LCT: variants seen among roughly 807,000 people sequenced by gnomAD.
LCT encodes lactase.
In LCT, 90 loss-of-function variants were observed where a neutral mutation model predicts 173.0. The observed-to-expected ratio is 0.52, with a 90% CI of 0.44 to 0.62. LCT has a LOEUF of 0.62. LCT is among the 20% of genes least tolerant of loss of function. The pLI is 0.00. For missense variants in LCT, 1,864 were observed against 2,431.4 expected (o/e 0.77, Z 4.91); for synonymous variants, 853 against 957.6 (o/e 0.89, Z 2.02).
At position 135,800,777 on chromosome 2, in the gene LCT, T is replaced by C. The variant is rs544545973; in HGVS notation, c.4696A>G (p.Ile1566Val). 16 of 1,614,090 alleles carry C rather than the reference T, an allele frequency of 9.9e-6. 1 individual carries two copies. The East Asian group carries it at 1.3e-4, about 13-fold the overall frequency. ...VSNRPGTAPY[I>V]VGHNLIKAHA... ...GCCTTTATTAGATTGTGGCCAACAA[T>C]GTAGGGGGCAGTGCCAGGCCTATTG... Residue 1566 changes from isoleucine (I) to valine (V), a missense_variant, in exon 12 of 17, where the codon ATT (isoleucine) becomes GTT (valine). This residue lies in a region of LCT where 514 missense variants were observed against 750.1 expected (regional missense o/e 0.69). Transcript: ENST00000264162.
intron 3 of LCT, among the ~76,000 whole-genome samples, chr2:135,829,282 G>T (rs544527401): frequency 1.3e-4 from 20 of 152,232 alleles, no homozygotes; most frequent in African/African-American, 4.8e-4. Flanking sequence ...CCCCATTGAT[G>T]AGTTGCCTTT....
intron 3 of LCT, among the ~76,000 whole-genome samples, chr2:135,825,506 G>A (rs543898734): frequency 6.6e-6 from 1 of 152,346 alleles, no homozygotes; most frequent in East Asian, 1.9e-4. Context: ...ATGTCCCAGG[G>A]CTGGAGAGCT....
Position 135,800,623 on chromosome 2 carries a change from G to A in LCT, c.4850C>T (p.Ala1617Val). 2 of 1,612,188 alleles carry A rather than the reference G, an allele frequency of 1.2e-6. No homozygotes were observed. Among genetic ancestry groups the A allele is most frequent in the Non-Finnish European group, 1.7e-6 (2 of 1,179,780 alleles). ...AAAACAGACCTGAACATATCTCCTGGCTGCCTCCACATCCTCCTGGTTAGA... is the reference window on the plus strand; with the variant it reads ...AAAACAGACCTGAACATATCTCCTGACTGCCTCCACATCCTCCTGGTTAGA... ...DPSNQEDVEAARRYVQFMGGW... is the reference protein window; with the variant it reads ...DPSNQEDVEAVRRYVQFMGGW... Residue 1617 changes from alanine to valine, a missense_variant, in exon 12 of 17, where the codon GCC (alanine) becomes GTC (valine). Around this residue, in one of 4 missense-constraint regions of LCT, gnomAD observed 514 missense variants for 750.1 expected, o/e 0.69. Transcript: ENST00000264162.
Position 135,836,523 on chromosome 2 carries a change from T to C in LCT, c.640+7A>G. ...GAGGGGTCACCATCAGGTCAATGTGTACTCACCCTGAAAAGCATAGCTTTC... is the reference window on the plus strand; with the variant it reads ...GAGGGGTCACCATCAGGTCAATGTGCACTCACCCTGAAAAGCATAGCTTTC... On this transcript the variant is annotated splice_region_variant and intron_variant, in intron 1 of 16. Coordinates refer to ENST00000264162, the MANE Select transcript of LCT (RefSeq NM_002299.4). 7 of 1,613,512 alleles carry C rather than the reference T, an allele frequency of 4.3e-6. No homozygotes were observed. Among genetic ancestry groups the C allele is most frequent in the Non-Finnish European group, 5.9e-6 (7 of 1,179,424 alleles).
chr2:135,831,618 C>T (rs563746397), intron 2 of LCT, among the ~76,000 whole-genome samples: 142 of 152,312 alleles, frequency 9.3e-4, no homozygotes, highest in African/African-American at 3.0e-3. Context: ...TAGCAGTTAT[C>T]GCCCTCTGTA....
At chr2:135,834,480 T>C (rs146923162) in intron 1 of LCT, among the ~76,000 whole-genome samples, 1,773 of 147,476 alleles carry the variant, frequency 0.012, 38 homozygotes, top group African/African-American at 0.041. Context: ...CCACCACGCC[T>C]GGCCTTATTT....
intron 12 of LCT, among the ~76,000 whole-genome samples, chr2:135,800,251 G>A (rs956789005): frequency 2.6e-5 from 4 of 152,090 alleles, no homozygotes; most frequent in African/African-American, 9.7e-5. Context: ...CTTTTTGGGG[G>A]TTGGGGGTGG....
At chr2:135,799,578 T>C (rs2077608515) in intron 12 of LCT, among the ~76,000 whole-genome samples, 1 of 151,286 alleles carries the variant, frequency 6.6e-6, no homozygotes, top group African/African-American at 2.4e-5. Context: ...GCCTCCAGAG[T>C]AGTTGGAACT....
At chr2:135,836,323 A>G (rs1390665318) in intron 1 of LCT, among the ~76,000 whole-genome samples, 1 of 152,102 alleles carries the variant, frequency 6.6e-6, no homozygotes, top group African/African-American at 2.4e-5. Context: ...TATTTTTCAA[A>G]GGAAATGCTG....
At chr2:135,794,590 C>T in intron 14 of LCT, 51 bp downstream of exon 14, 1 of 1,601,694 alleles carries the variant, frequency 6.2e-7, no homozygotes, top group South Asian at 1.1e-5. Context: ...GCCAAGGGCA[C>T]CTTTCTGCCT....
At chr2:135,821,779 C>G (rs1319785736) in intron 5 of LCT, 3 of 521,224 alleles carry the variant, frequency 5.8e-6, no homozygotes, top group Non-Finnish European at 6.9e-6. Flanking sequence ...TGTGAGCCAT[C>G]ATGCTAGTTG....
chr2:135,826,482 C>T (rs900637680), intron 3 of LCT, among the ~76,000 whole-genome samples: 1 of 151,798 alleles, frequency 6.6e-6, no homozygotes, highest in African/African-American at 2.4e-5. Flanking sequence ...AGGAGAATCG[C>T]TTGAACCCCA....
At chr2:135,802,747 C>G (rs10928547) in intron 11 of LCT, among the ~76,000 whole-genome samples, 1 of 152,162 alleles carries the variant, frequency 6.6e-6, no homozygotes, top group East Asian at 1.9e-4. Flanking sequence ...GGTTGGTTAA[C>G]GGATACAAAG....
In LCT at chr2:135,834,787, C is replaced by CAAAAAAAAAAA. The variant is rs60298631; in HGVS notation, c.641-1608_641-1598dup. On this transcript the variant is annotated intron_variant, in intron 1 of 16. Coordinates refer to ENST00000264162, the MANE Select transcript of LCT (RefSeq NM_002299.4). ...TGGACAAAAGAGTGAGACTCCATCT[C>CAAAAAAAAAAA]AAAAAAAAAAAAAAAAAAAAAAAGA... Among the ~76,000 whole-genome samples, 190 of 34,160 alleles carry CAAAAAAAAAAA rather than the reference C, an allele frequency of 5.6e-3. 22 individuals carry two copies. Among genetic ancestry groups the CAAAAAAAAAAA allele is most frequent in the East Asian group, 9.6e-3 (5 of 520 alleles). The allele number at this position is 34,160 out of a possible 152,430, so 22.4% of individuals were successfully genotyped here. A position where few individuals can be genotyped will look rare whatever the true frequency, so the allele number is the denominator to read the frequency against.
Position 135,829,628 on chromosome 2 carries a change from C to G in LCT, c.769G>C (p.Glu257Gln). 6.2e-7 allele frequency: 1 copy of G among 1,611,834 alleles called. No individual in the cohort carries two copies. The highest frequency in any genetic ancestry group is 1.7e-4 in the Middle Eastern group (1 of 6,050). Residue 257 changes from glutamate (E) to glutamine (Q), a missense_variant, in exon 3 of 17, where the codon GAG (glutamate) becomes CAG (glutamine). Physicochemically the swap from Glu to Gln is conservative, Grantham distance 29. This residue lies in a region of LCT where 412 missense variants were observed against 462.0 expected (regional missense o/e 0.89). Coordinates refer to ENST00000264162, the MANE Select transcript of LCT (RefSeq NM_002299.4). Reference sequence around the variant, plus strand: ...CTCAGCTTCTGCCGCAGACTTGCCTCATTTTGGCATTCATAAGACAAATCA... The same window carrying G: ...CTCAGCTTCTGCCGCAGACTTGCCTGATTTTGGCATTCATAAGACAAATCA... ...SLDLSYECQN[E>Q]ASLRQKLSKL...
intron 13 of LCT, among the ~76,000 whole-genome samples, chr2:135,797,243 C>T (rs1021687955): frequency 5.9e-5 from 9 of 152,112 alleles, no homozygotes; most frequent in Admixed American, 2.6e-4. Flanking sequence ...CCACCGCACC[C>T]GGCCTGGGAG....
chr2:135,812,549 G>A lies in LCT; in HGVS notation c.2115C>T (p.Thr705=). ...TCACGTGTTGGGAGAAGCCTCCAAT[G>A]GTATCATAGCTAGGGATGCAGGTGT... ...PQNTCIPSYD[T]IGGFSQHVNH... The change falls in exon 7 of 17, where the codon ACC becomes ACT. Residue 705 remains threonine (T), a synonymous_variant. Transcript: ENST00000264162. 6.2e-7 allele frequency: 1 copy of A among 1,614,168 alleles called. No individual in the cohort carries two copies. The highest frequency in any genetic ancestry group is 8.5e-7 in the Non-Finnish European group (1 of 1,179,988).
At chr2:135,804,261 T>C (rs1224844930) in intron 10 of LCT, 133 bp from the exon 11 acceptor site, 7 of 769,510 alleles carry the variant, frequency 9.1e-6, no homozygotes, top group Non-Finnish European at 1.6e-5. Flanking sequence ...AAAGATTTTT[T>C]TCTTTTTCTT....
chr2:135,817,660 A>G lies in LCT; in HGVS notation c.1388T>C (p.Met463Thr), dbSNP rs1396504286. ...FSISWSRIFP[M>T]GHGSSPSLPG... ...GAGGCTGGGGCTGCTCCCGTGCCCC[A>G]TGGGGAAGATCCGGGACCAGGAGAT... The change falls in exon 6 of 17, where the codon ATG (methionine) becomes ACG (threonine). Residue 463 changes from methionine (M) to threonine (T), a missense_variant. Physicochemically the swap from Met to Thr is moderately conservative, Grantham distance 81 (BLOSUM62 -1). Coordinates refer to ENST00000264162, the MANE Select transcript of LCT (RefSeq NM_002299.4). 1 of 1,613,828 alleles carries G rather than the reference A, an allele frequency of 6.2e-7. No homozygotes were observed. The highest frequency in any genetic ancestry group is 1.7e-5 in the Admixed American group (1 of 60,008).
Sources: allele counts gnomAD v4.1 joint callset (sites outside exome capture counted in the v4.1 genomes callset), GRCh38; gene constraint gnomAD v4.1.1; regional missense constraint gnomAD v4.1.1; transcripts MANE v1.5; gene names NCBI Gene and HGNC (gene_info 2026-07-23, HGNC 2026-07-21).